Variants in NPTN observed in about 807,000 individuals in gnomAD.
The protein encoded by NPTN is SDR-1.
Under a neutral mutation model 42.7 loss-of-function variants are expected in NPTN, and 5 were observed. The observed-to-expected ratio is 0.12, with a 90% CI of 0.06 to 0.25. The LOEUF (loss-of-function observed/expected upper bound fraction) is 0.25, where lower values mean the gene tolerates loss of function less well. Among genes scored for constraint, NPTN ranks in the 10% least tolerant of loss-of-function variants. NPTN has a pLI of 1.00. For synonymous variants in NPTN, 180 were observed against 201.9 expected (o/e 0.89, Z 0.92); for missense variants, 307 against 525.4 (o/e 0.58, Z 4.06).
chr15:73,616,626 A>T (rs937303860), intron 1 of NPTN, among the ~76,000 whole-genome samples: 4 of 152,000 alleles, frequency 2.6e-5, no homozygotes, highest in African/African-American at 9.7e-5. Flanking sequence ...TCCCTTCACA[A>T]TTACTTCTTA....
At chr15:73,605,714 C>T (rs1204367394) in intron 1 of NPTN, among the ~76,000 whole-genome samples, 2 of 136,200 alleles carry the variant, frequency 1.5e-5, no homozygotes, top group Non-Finnish European at 3.2e-5. Flanking sequence ...GCAACAAGAG[C>T]GAAACTCACC....
At position 73,603,752 on chromosome 15, in the gene NPTN, T is replaced by C. The variant is rs560052915; in HGVS notation, c.92-6383A>G. ...CAATATTTGGGAAGATACTGGATAT[T>C]GAACAGGCCAAACTGTTAATTTACA... On this transcript the variant is annotated intron_variant, in intron 1 of 8. Coordinates refer to ENST00000345330, the MANE Select transcript of NPTN (RefSeq NM_012428.4). Among the ~76,000 whole-genome samples, 3 of 152,334 alleles carry C rather than the reference T, an allele frequency of 2.0e-5. No homozygotes were observed. The South Asian group carries it at 6.2e-4, about 32-fold the overall frequency.
At chr15:73,630,509 C>A (rs1331906764) in intron 1 of NPTN, among the ~76,000 whole-genome samples, 4 of 152,192 alleles carry the variant, frequency 2.6e-5, no homozygotes, top group Admixed American at 2.0e-4. Flanking sequence ...CAAAATCCAT[C>A]TGAATGAAAG....
chr15:73,591,165 T>C (rs1225213698), intron 3 of NPTN, among the ~76,000 whole-genome samples: 2 of 152,162 alleles, frequency 1.3e-5, no homozygotes, highest in Non-Finnish European at 2.9e-5. Context: ...AAATAAGGGG[T>C]GTGAAAAGAT....
At chr15:73,562,643 G>A (rs947102321) in intron 7 of NPTN, among the ~76,000 whole-genome samples, 1 of 152,130 alleles carries the variant, frequency 6.6e-6, no homozygotes, top group Non-Finnish European at 1.5e-5. Flanking sequence ...CATACCTGCA[G>A]TACCCTCTCT....
rs80137767 is a variant in NPTN at position 73,569,103 on chromosome 15, C to T, written c.1114+1047G>A. The T allele has an allele frequency of 0.021, 20,988 of 985,346 alleles. 262 individuals are homozygous for T. The highest frequency in any genetic ancestry group is 0.056 in the African/African-American group (3,214 of 57,340). 61.0% of individuals were successfully genotyped at this position (985,346 alleles called of 1,614,324 possible). A position where few individuals can be genotyped will look rare whatever the true frequency, so the allele number is the denominator to read the frequency against. On this transcript the variant is annotated intron_variant, in intron 6 of 8. Transcript: ENST00000345330. This position sits in a 1 kb window ranked among gnomAD's most constrained non-coding sequence, Gnocchi z 4.1. The stretch of plus-strand genomic sequence containing the variant: ...ACAGCTGGCAACCCCACCATCACCC[C>T]GGGTAGGCTACCACTGAGCCCAGGG...
At chr15:73,605,108 G>A (rs540735961) in intron 1 of NPTN, among the ~76,000 whole-genome samples, 2 of 145,000 alleles carry the variant, frequency 1.4e-5, no homozygotes, top group African/African-American at 2.8e-5. Flanking sequence ...AAGGGGGGGG[G>A]GGGAAAAGAA....
At chr15:73,591,725 A>C in intron 3 of NPTN, 1 of 335,638 alleles carries the variant, frequency 3.0e-6, no homozygotes, top group Non-Finnish European at 5.5e-6. Context: ...TCACAGCCTC[A>C]GTTTCTCTAT....
At chr15:73,574,279 C>G (rs1789847355) in intron 4 of NPTN, among the ~76,000 whole-genome samples, 1 of 152,140 alleles carries the variant, frequency 6.6e-6, no homozygotes, top group South Asian at 2.1e-4. Flanking sequence ...TATGTAAAAA[C>G]AATGAATGCT....
At chr15:73,607,951 T>C (rs181625593) in intron 1 of NPTN, among the ~76,000 whole-genome samples, 141 of 152,264 alleles carry the variant, frequency 9.3e-4, no homozygotes, top group African/African-American at 2.7e-3. Flanking sequence ...TGTGCAAATT[T>C]TGAGCTTGTT....
chr15:73,569,686 G>C lies in NPTN; in HGVS notation c.1114+464C>G, dbSNP rs1355655822. On this transcript the variant is annotated intron_variant, in intron 6 of 8. Transcript: ENST00000345330. This position sits in a 1 kb window ranked among gnomAD's most constrained non-coding sequence, Gnocchi z 4.1. Reference sequence around the variant, plus strand: ...GCAGTTACCTACAGGGGCTACACCAGGCAACCATGTGACAACCAGTTAGAT... The same window carrying C: ...GCAGTTACCTACAGGGGCTACACCACGCAACCATGTGACAACCAGTTAGAT... 1.0e-6 allele frequency: 1 copy of C among 985,342 alleles called. No individual in the cohort carries two copies. The highest frequency in any genetic ancestry group is 1.2e-6 in the Non-Finnish European group (1 of 829,940). The allele number at this position is 985,342 out of a possible 1,614,324, so 61.0% of individuals were successfully genotyped here. A position where few individuals can be genotyped will look rare whatever the true frequency, so the allele number is the denominator to read the frequency against.
intron 1 of NPTN, among the ~76,000 whole-genome samples, chr15:73,619,919 T>C (rs1048431653): frequency 6.6e-6 from 1 of 152,206 alleles, no homozygotes; most frequent in Non-Finnish European, 1.5e-5. Flanking sequence ...GTACTGGGCA[T>C]TGTATATATG....
At chr15:73,567,991 A>G (rs769687097) in intron 6 of NPTN, 11 of 985,466 alleles carry the variant, frequency 1.1e-5, no homozygotes, top group Non-Finnish European at 1.3e-5. Context: ...ACTGTCTATA[A>G]TAACTTAGTT....
chr15:73,601,464 GA>G (rs1349174734), intron 1 of NPTN, among the ~76,000 whole-genome samples: 1 of 152,160 alleles, frequency 6.6e-6, no homozygotes, highest in Non-Finnish European at 1.5e-5. Context: ...TTCAATTCAG[GA>G]AAAGAACTGG....
chr15:73,581,258 G>A (rs997769631), intron 4 of NPTN, among the ~76,000 whole-genome samples: 4 of 152,062 alleles, frequency 2.6e-5, no homozygotes, highest in Non-Finnish European at 5.9e-5. Context: ...TTTTAATAAG[G>A]GACTGCTTAA....
intron 5 of NPTN, among the ~76,000 whole-genome samples, chr15:73,573,356 C>T (rs1321934851): frequency 6.6e-6 from 1 of 152,132 alleles, no homozygotes; most frequent in Non-Finnish European, 1.5e-5. Context: ...GCCAATTAAA[C>T]CTTTTTTCTT....
rs1171669945 is a variant in NPTN, at chr15:73,570,675, C to G, written c.841-252G>C. Among the ~76,000 whole-genome samples the G allele has an allele frequency of 2.6e-5, 4 of 152,180 alleles. No homozygotes were observed. Among genetic ancestry groups the G allele is most frequent in the African/African-American group, 7.2e-5 (3 of 41,452 alleles). On this transcript the variant is annotated intron_variant, in intron 5 of 8. Transcript: ENST00000345330. This position sits in a 1 kb window ranked among gnomAD's most constrained non-coding sequence, Gnocchi z 4.0. Reference sequence around the variant, plus strand: ...CACGAAGTGAGTGCAGGTCCTACTGCCTGGAGACTCAGAAAAGTCCAACAA... The same window carrying G: ...CACGAAGTGAGTGCAGGTCCTACTGGCTGGAGACTCAGAAAAGTCCAACAA...
chr15:73,573,637 A>G, intron 5 of NPTN, 25 bp downstream of exon 5: 1 of 1,537,934 alleles, frequency 6.5e-7, no homozygotes, highest in Non-Finnish European at 8.7e-7. Context: ...CAGCAACCAG[A>G]GACCCGGGCC....
chr15:73,625,377 G>A (rs540391292), intron 1 of NPTN, among the ~76,000 whole-genome samples: 1 of 151,726 alleles, frequency 6.6e-6, no homozygotes, highest in African/African-American at 2.4e-5. Flanking sequence ...TTGAGACGGA[G>A]TCTGGCCCTG....
Sources: gnomAD v4.1 joint callset for allele counts (sites outside exome capture counted in the v4.1 genomes callset) on GRCh38, gnomAD v4.1.1 for gene constraint, Gnocchi (gnomAD v3.1) non-coding constraint, MANE v1.5 for transcripts, NCBI Gene and HGNC (gene_info 2026-07-23, HGNC 2026-07-21) for gene names.